The following PARD3B variants were observed in gnomAD, a reference collection of about 807,000 sequenced individuals.
PARD3B encodes the protein partitioning defective 3 homolog B.
A neutral mutation model predicts 130.2 loss-of-function variants in PARD3B; 103 were observed. The ratio of observed to expected loss-of-function variants is 0.79; its 90% CI spans 0.67 to 0.93. The LOEUF (loss-of-function observed/expected upper bound fraction) is 0.93. Among genes scored for constraint, PARD3B ranks in the 40% least tolerant of loss-of-function variants. The pLI is 0.00. For synonymous variants in PARD3B, 583 were observed against 553.2 expected (o/e 1.05, Z -0.76); for missense variants, 1,609 against 1,499.2 (o/e 1.07, Z -1.21).
At position 205,537,306 on chromosome 2, in the gene PARD3B, C is replaced by G. The variant is rs144987311; in HGVS notation, c.3181-16018C>G. On this transcript the variant is annotated intron_variant, in intron 21 of 22. Coordinates refer to ENST00000406610, the MANE Select transcript of PARD3B (RefSeq NM_001302769.2). Reference sequence around the variant, plus strand: ...AAGATGGGAAATCATATAAATGGCACTCAACCAGAATTTCAATTGCTTAGC... The same window carrying G: ...AAGATGGGAAATCATATAAATGGCAGTCAACCAGAATTTCAATTGCTTAGC... Among the ~76,000 whole-genome samples the G allele has an allele frequency of 3.6e-3, 546 of 152,314 alleles. 4 individuals carry two copies. Among genetic ancestry groups the G allele is most frequent in the Middle Eastern group, 0.014 (4 of 294 alleles).
intron 3 of PARD3B, among the ~76,000 whole-genome samples, chr2:205,000,621 A>G (rs115731671): frequency 5.9e-5 from 9 of 152,220 alleles, no homozygotes; most frequent in Non-Finnish European, 1.0e-4. Context: ...TTATAATCAT[A>G]TGCAAACTTT....
intron 22 of PARD3B, among the ~76,000 whole-genome samples, chr2:205,573,255 G>C (rs1289475842): frequency 1.3e-5 from 2 of 152,168 alleles, no homozygotes; most frequent in African/African-American, 4.8e-5. Context: ...AGGGAAGAGA[G>C]GCCTGTGAAG....
At chr2:205,476,344 C>T (rs2049020742) in intron 20 of PARD3B, among the ~76,000 whole-genome samples, 1 of 152,064 alleles carries the variant, frequency 6.6e-6, no homozygotes, top group South Asian at 2.1e-4. Context: ...GTGAAGTTTC[C>T]TTTTTTTCAT....
intron 3 of PARD3B, among the ~76,000 whole-genome samples, chr2:205,035,836 TATA>T (rs1344142701): frequency 4.5e-5 from 6 of 131,970 alleles, no homozygotes; most frequent in African/African-American, 1.6e-4. Context: ...TATCTATATA[TATA>T]TATATAGTGG....
intron 2 of PARD3B, among the ~76,000 whole-genome samples, chr2:204,869,640 T>G (rs552417287): frequency 6.6e-6 from 1 of 152,092 alleles, no homozygotes; most frequent in Non-Finnish European, 1.5e-5. Flanking sequence ...TGTAGACAGT[T>G]TATTTTTGTT....
chr2:204,557,006 ATT>A (rs374055935), intron 1 of PARD3B, among the ~76,000 whole-genome samples: 1 of 144,142 alleles, frequency 6.9e-6, no homozygotes, highest in Admixed American at 7.0e-5. Context: ...GCTTTTCAGG[ATT>A]TTTTTTTTTT....
chr2:205,013,708 C>T (rs1408639624), intron 3 of PARD3B, among the ~76,000 whole-genome samples: 1 of 152,170 alleles, frequency 6.6e-6, no homozygotes, highest in Admixed American at 6.5e-5. Context: ...GGGCTCACTG[C>T]CTGCTGTGAA....
intron 1 of PARD3B, among the ~76,000 whole-genome samples, chr2:204,565,804 G>C (rs1574471362): frequency 1.3e-5 from 2 of 152,248 alleles, no homozygotes; most frequent in East Asian, 3.9e-4. Context: ...AAACCAGTTA[G>C]TTCAGCCTGC....
chr2:205,285,448 A>G (rs1287019723), intron 16 of PARD3B, among the ~76,000 whole-genome samples: 7 of 152,104 alleles, frequency 4.6e-5, no homozygotes, highest in Non-Finnish European at 4.4e-5. Flanking sequence ...TAGAGTGACT[A>G]TGTTTGGATC....
At chr2:204,841,972 A>G (rs1050903524) in intron 2 of PARD3B, among the ~76,000 whole-genome samples, 3 of 152,176 alleles carry the variant, frequency 2.0e-5, no homozygotes, top group African/African-American at 7.2e-5. Flanking sequence ...ATGAGTTCAC[A>G]TGAATAACAT....
At chr2:205,080,312 C>T (rs984860110) in intron 4 of PARD3B, among the ~76,000 whole-genome samples, 10 of 152,200 alleles carry the variant, frequency 6.6e-5, no homozygotes, top group African/African-American at 2.4e-4. Context: ...TCCTATCTCC[C>T]TTTCTCCTGC....
intron 2 of PARD3B, among the ~76,000 whole-genome samples, chr2:204,964,116 A>T (rs1251321274): frequency 2.0e-5 from 3 of 152,194 alleles, no homozygotes; most frequent in African/African-American, 2.4e-5. Flanking sequence ...GGTTTGTTTT[A>T]CTTAATGAAT....
chr2:204,964,774 C>T (rs1310782751), intron 2 of PARD3B, among the ~76,000 whole-genome samples: 1 of 152,070 alleles, frequency 6.6e-6, no homozygotes, highest in East Asian at 1.9e-4. Flanking sequence ...TTATTCAATG[C>T]ATATTCAACT....
chr2:204,762,104 C>T (rs1283218786), intron 2 of PARD3B, among the ~76,000 whole-genome samples: 1 of 146,572 alleles, frequency 6.8e-6, no homozygotes, highest in Non-Finnish European at 1.5e-5. Context: ...CTTTTCTTTT[C>T]CTTCTTTTTC....
In PARD3B at chr2:204,965,315, T is replaced by C; in HGVS notation, c.386T>C (p.Leu129Pro). Reference sequence around the variant, plus strand: ...GAGATTGAAGTAACCCCTTCTGCTCTAAAACTAGGTATGTGTAATGTTTAT... The same window carrying C: ...GAGATTGAAGTAACCCCTTCTGCTCCAAAACTAGGTATGTGTAATGTTTAT... ...GGEIEVTPSA[L>P]KLGTPLLVRR... Residue 129 changes from leucine (L) to proline (P), a missense_variant, in exon 3 of 23, where the codon CTA becomes CCA. Transcript: ENST00000406610. The C allele has an allele frequency of 6.2e-7, 1 of 1,613,672 alleles. No homozygotes were observed. Among genetic ancestry groups the C allele is most frequent in the South Asian group, 1.1e-5 (1 of 91,060 alleles).
intron 18 of PARD3B, among the ~76,000 whole-genome samples, chr2:205,376,599 C>A (rs922631471): frequency 6.6e-6 from 1 of 152,180 alleles, no homozygotes; most frequent in Non-Finnish European, 1.5e-5. Context: ...TAAGCAAAAT[C>A]ATGGCTGATG....
chr2:205,126,043 A>G (rs912445032), intron 10 of PARD3B, among the ~76,000 whole-genome samples: 1 of 152,238 alleles, frequency 6.6e-6, no homozygotes, highest in Non-Finnish European at 1.5e-5. Context: ...GCGAAGCCCT[A>G]GGCAAAACAC....
At chr2:204,561,594 ATTT>A (rs549784375) in intron 1 of PARD3B, among the ~76,000 whole-genome samples, 16 of 124,950 alleles carry the variant, frequency 1.3e-4, no homozygotes, top group African/African-American at 3.2e-4. Context: ...TCTCCCTTGT[ATTT>A]TTTTTTTTTT....
At chr2:204,730,745 A>G (rs887493503) in intron 2 of PARD3B, among the ~76,000 whole-genome samples, 18 of 152,172 alleles carry the variant, frequency 1.2e-4, no homozygotes, top group African/African-American at 4.3e-4. Flanking sequence ...TCTCCACATT[A>G]GTTTGGATTG....
Sources: gnomAD v4.1 joint callset for allele counts (sites outside exome capture counted in the v4.1 genomes callset) on GRCh38, gnomAD v4.1.1 for gene constraint, MANE v1.5 for transcripts, NCBI Gene and HGNC (gene_info 2026-07-23, HGNC 2026-07-21) for gene names.